Variants in EWSR1 observed in about 807,000 individuals in gnomAD.
EWSR1 encodes RNA-binding protein EWS.
In EWSR1, 14 loss-of-function variants were observed where a neutral mutation model predicts 92.1. The ratio of observed to expected loss-of-function variants is 0.15; its 90% CI spans 0.10 to 0.24. EWSR1 has a LOEUF of 0.24. Ranked by LOEUF, EWSR1 falls within the 10% of genes least tolerant of loss-of-function variation. The pLI, the probability that EWSR1 is intolerant of heterozygous loss-of-function variation, is 1.00. For synonymous variants in EWSR1, 303 were observed against 292.9 expected (o/e 1.03, Z -0.35); for missense variants, 637 against 870.9 (o/e 0.73, Z 3.38).
At chr22:29,292,081 T>C in intron 9 of EWSR1, 56 bp from the exon 10 acceptor site, 1 of 1,506,084 alleles carries the variant, frequency 6.6e-7, no homozygotes, top group South Asian at 1.1e-5. Flanking sequence ...TTGTAAGGTT[T>C]GTAGCTTGCA....
rs768226495 is a variant in EWSR1 at position 29,298,772 on chromosome 22, G to A, written c.1457G>A (p.Arg486His). 4.6e-5 allele frequency: 74 copies of A among 1,613,446 alleles called. No homozygotes were observed. The highest frequency in any genetic ancestry group is 5.9e-5 in the Non-Finnish European group (70 of 1,179,844). Residue 486 changes from arginine (R) to histidine (H), a missense_variant, in exon 14 of 17, where the codon CGC becomes CAC. Physicochemically the swap from Arg to His is conservative, Grantham distance 29 (BLOSUM62 0). Coordinates refer to ENST00000397938, the MANE Select transcript of EWSR1 (RefSeq NM_005243.4). ...GGAGGTCCTGGGGGACCCATGGGTC[G>A]CATGGGAGGCCGTGGAGGAGATAGA... ...GPGGPGGPMG[R>H]MGGRGGDRGG...
At chr22:29,286,131 A>T (rs1426619189) in intron 6 of EWSR1, among the ~76,000 whole-genome samples, 3 of 147,424 alleles carry the variant, frequency 2.0e-5, no homozygotes, top group Admixed American at 6.8e-5. Flanking sequence ...GAGCCACCGC[A>T]CCCGGCCTGA....
chr22:29,281,681 C>T (rs2059616064), intron 5 of EWSR1, among the ~76,000 whole-genome samples: 2 of 152,024 alleles, frequency 1.3e-5, no homozygotes, highest in African/African-American at 4.8e-5. Context: ...CCTGGGTTCA[C>T]GCCATTCTCC....
intron 6 of EWSR1, among the ~76,000 whole-genome samples, chr22:29,285,964 A>G (rs950045799): frequency 3.2e-4 from 48 of 152,038 alleles, no homozygotes; most frequent in Non-Finnish European, 1.5e-5. Context: ...CAGCCTCCCC[A>G]GTAGCTGGGA....
chr22:29,299,297 T>C lies in EWSR1; in HGVS notation c.1644T>C (p.Pro548=), dbSNP rs1318330179. The C allele has an allele frequency of 3.1e-6, 5 of 1,613,866 alleles. No homozygotes were observed. The African/African-American group carries it at 6.7e-5, about 22-fold the overall frequency. The change falls in exon 15 of 17, where the codon CCT becomes CCC. Residue 548 remains proline, a synonymous_variant. Transcript: ENST00000397938. ...GCAACCAGTGTAAGGCCCCAAAGCC[T>C]GAAGGCTTCCTCCCGCCACCCTTTC... ...TECNQCKAPK[P]EGFLPPPFPP...
intron 6 of EWSR1, among the ~76,000 whole-genome samples, chr22:29,285,770 T>C (rs568368820): frequency 6.6e-6 from 1 of 151,562 alleles, no homozygotes; most frequent in East Asian, 1.9e-4. Context: ...CAAGTGCATA[T>C]TCTTGCCACA....
intron 5 of EWSR1, among the ~76,000 whole-genome samples, chr22:29,278,824 C>CA (rs528971696): frequency 0.35 from 48,674 of 141,036 alleles, 8,383 homozygotes; most frequent in East Asian, 0.66. Context: ...GACTCGGTCT[C>CA]AAAAAAAAAA....
Position 29,292,471 on chromosome 22 carries a change from C to A in EWSR1, c.1046-17C>A. On this transcript the variant is annotated splice_polypyrimidine_tract_variant and intron_variant, in intron 10 of 16. Coordinates refer to ENST00000397938, the MANE Select transcript of EWSR1 (RefSeq NM_005243.4). ...AGATACATGATAATAATTCTCCTGT[C>A]TTGTTGTCTCTGAAAGGCCCACCTG... 1 of 1,523,670 alleles carries A rather than the reference C, an allele frequency of 6.6e-7. No individual in the cohort carries two copies. Among genetic ancestry groups the A allele is most frequent in the Non-Finnish European group, 9.1e-7 (1 of 1,098,602 alleles). The allele number at this position is 1,523,670 out of a possible 1,614,324, so 94.4% of individuals were successfully genotyped here.
chr22:29,295,417 C>T (rs2060778719), intron 11 of EWSR1: 1 of 210,616 alleles, frequency 4.7e-6, no homozygotes, highest in African/African-American at 2.3e-5. Context: ...TGCTTGAGCC[C>T]AGGAGTTTGA....
chr22:29,274,911 A>G (rs2146885978), intron 4 of EWSR1, among the ~76,000 whole-genome samples: 1 of 152,284 alleles, frequency 6.6e-6, no homozygotes, highest in African/African-American at 2.4e-5. Flanking sequence ...TGCTGTTATA[A>G]AAGACTCTAA....
intron 5 of EWSR1, among the ~76,000 whole-genome samples, chr22:29,281,056 T>C (rs1440272809): frequency 6.6e-6 from 1 of 151,704 alleles, no homozygotes; most frequent in Non-Finnish European, 1.5e-5. Flanking sequence ...ATTTTTTGTA[T>C]TTTTAGTAGA....
At chr22:29,292,680 T>C (rs915423911) in intron 11 of EWSR1, 74 bp downstream of exon 11, 3 of 941,020 alleles carry the variant, frequency 3.2e-6, no homozygotes, top group South Asian at 1.7e-5. Context: ...TGAATTGATG[T>C]TGAGAGTTGT....
At chr22:29,295,893 G>A (rs2060821567) in intron 11 of EWSR1, 2 of 286,492 alleles carry the variant, frequency 7.0e-6, no homozygotes, top group East Asian at 1.1e-4. Flanking sequence ...TGTCTTATGT[G>A]GTGGTATCAA....
In EWSR1 at chr22:29,273,660, G is replaced by T. The variant is rs377417173; in HGVS notation, c.103-81G>T. On this transcript the variant is annotated intron_variant, in intron 3 of 16. Transcript: ENST00000397938. Reference sequence around the variant, plus strand: ...CTAGAAAGGAATGTTTTTGATTTTGGTTCTCCAATTTAGTCCATTTTATTG... The same window carrying T: ...CTAGAAAGGAATGTTTTTGATTTTGTTTCTCCAATTTAGTCCATTTTATTG... 5.2e-4 allele frequency: 777 copies of T among 1,485,824 alleles called. 7 individuals are homozygous for T. The South Asian group carries it at 7.8e-3, about 15-fold the overall frequency. 92.0% of individuals were successfully genotyped at this position (1,485,824 alleles called of 1,614,324 possible).
chr22:29,274,173 T>C (rs2058921745), intron 4 of EWSR1: 1 of 1,366,062 alleles, frequency 7.3e-7, no homozygotes, highest in Admixed American at 1.7e-5. Context: ...ATGAGTCTTC[T>C]TAAATTGAGC....
At chr22:29,270,059 G>A (rs2058540575) in intron 1 of EWSR1, among the ~76,000 whole-genome samples, 1 of 152,186 alleles carries the variant, frequency 6.6e-6, no homozygotes, top group Admixed American at 6.5e-5. Flanking sequence ...GACCTCTTAA[G>A]CTTTTGAGCC....
At chr22:29,282,694 G>A in intron 6 of EWSR1, 137 bp downstream of exon 6, 3 of 616,272 alleles carry the variant, frequency 4.9e-6, no homozygotes, top group Non-Finnish European at 7.6e-6. Flanking sequence ...ACCATACTTG[G>A]TTACATTAAA....
At chr22:29,290,499 A>G in intron 8 of EWSR1, 1 of 1,613,266 alleles carries the variant, frequency 6.2e-7, no homozygotes, top group Non-Finnish European at 8.5e-7. Flanking sequence ...GAAAAGTGGG[A>G]CTAGACACGG....
At chr22:29,298,987 AG>A in intron 14 of EWSR1, 92 bp downstream of exon 14, 1 of 1,420,590 alleles carries the variant, frequency 7.0e-7, no homozygotes, top group Non-Finnish European at 9.5e-7. Context: ...CTCTGTCTAG[AG>A]GAACAGAATG....
Sources: allele counts gnomAD v4.1 joint callset (sites outside exome capture counted in the v4.1 genomes callset), GRCh38; gene constraint gnomAD v4.1.1; transcripts MANE v1.5; gene names NCBI Gene and HGNC (gene_info 2026-07-23, HGNC 2026-07-21).